NPM2: variants seen among roughly 807,000 people sequenced by gnomAD.
The protein encoded by NPM2 is nucleoplasmin-2.
NPM2 carries 25 observed loss-of-function variants against 32.0 expected under a neutral mutation model. The observed-to-expected ratio is 0.78, with a 90% CI of 0.57 to 1.09. The LOEUF (loss-of-function observed/expected upper bound fraction) is 1.09. Ranked by LOEUF, NPM2 falls within the 50% of genes least tolerant of loss-of-function variation. The probability of loss-of-function intolerance (pLI) is 0.00; values close to 1 mark genes in which losing one functional copy is unlikely to be tolerated. For synonymous variants in NPM2, 111 were observed against 94.2 expected (o/e 1.18, Z -1.04); for missense variants, 282 against 259.9 (o/e 1.08, Z -0.58).
chr8:22,032,057 C>T (rs1452868727), intron 5 of NPM2, among the ~76,000 whole-genome samples: 3 of 152,154 alleles, frequency 2.0e-5, no homozygotes, highest in Admixed American at 1.3e-4. Flanking sequence ...GTTATTCACT[C>T]TAAGTCTCAG....
intron 5 of NPM2, among the ~76,000 whole-genome samples, chr8:22,029,974 C>T (rs1168050599): frequency 2.0e-5 from 3 of 152,176 alleles, no homozygotes; most frequent in South Asian, 2.1e-4. Context: ...GGTTTTCAGA[C>T]ATGAGGATCT....
chr8:22,033,280 G>C, intron 6 of NPM2, 57 bp downstream of exon 6: 1 of 1,290,226 alleles, frequency 7.8e-7, no homozygotes, highest in Non-Finnish European at 1.1e-6. Context: ...GCAGGGGCTC[G>C]GGACATACTA....
intron 5 of NPM2, among the ~76,000 whole-genome samples, chr8:22,031,554 T>G (rs1233856698): frequency 6.6e-6 from 1 of 152,240 alleles, no homozygotes; most frequent in Non-Finnish European, 1.5e-5. Flanking sequence ...CAAGCAGTTC[T>G]CCTGCCTCAG....
At chr8:22,025,359 G>T (rs959075610) in intron 3 of NPM2, 53 bp downstream of exon 3, 6 of 1,599,516 alleles carry the variant, frequency 3.8e-6, no homozygotes, top group Non-Finnish European at 5.1e-6. Flanking sequence ...TCCGGTGCGC[G>T]GCAGCTTGGG....
rs758003822 is a variant in NPM2 at position 22,025,324 on chromosome 8, C to A, written c.58+18C>A. 1.2e-6 allele frequency: 2 copies of A among 1,603,662 alleles called. No individual in the cohort carries two copies. The highest frequency in any genetic ancestry group is 1.7e-6 in the Non-Finnish European group (2 of 1,175,346). On this transcript the variant is annotated intron_variant, in intron 3 of 9. Transcript: ENST00000518119. ...GCTCTGGGGTGAGTGGGGACTCAGGCTCCTTCCCAGAGACACGCCCCACCT... is the reference window on the plus strand; with the variant it reads ...GCTCTGGGGTGAGTGGGGACTCAGGATCCTTCCCAGAGACACGCCCCACCT...
intron 5 of NPM2, among the ~76,000 whole-genome samples, chr8:22,030,018 G>A (rs1800385148): frequency 1.3e-5 from 2 of 152,124 alleles, no homozygotes; most frequent in South Asian, 4.1e-4. Flanking sequence ...ATTATTGGTT[G>A]TTTTTCCTTT....
At chr8:22,029,507 C>A (rs1800365361) in intron 5 of NPM2, among the ~76,000 whole-genome samples, 1 of 152,204 alleles carries the variant, frequency 6.6e-6, no homozygotes, top group Admixed American at 6.5e-5. Context: ...TGTCAGCCTA[C>A]TCAACACTAC....
chr8:22,033,381 C>T (rs1008133313), intron 6 of NPM2, among the ~76,000 whole-genome samples, 158 bp downstream of exon 6: 3 of 152,192 alleles, frequency 2.0e-5, no homozygotes, highest in Admixed American at 6.5e-5. Context: ...AAGGCAAGGG[C>T]GCTGGTCCCT....
At chr8:22,031,903 G>A (rs993646297) in intron 5 of NPM2, among the ~76,000 whole-genome samples, 2 of 151,976 alleles carry the variant, frequency 1.3e-5, no homozygotes, top group African/African-American at 4.8e-5. Context: ...CATTTTTTAT[G>A]TACGAGGATT....
chr8:22,029,399 C>T (rs1290059021), intron 5 of NPM2, among the ~76,000 whole-genome samples: 1 of 152,218 alleles, frequency 6.6e-6, no homozygotes, highest in Non-Finnish European at 1.5e-5. Flanking sequence ...CTGCCTTGGC[C>T]TCCCAAAGTG....
intron 5 of NPM2, among the ~76,000 whole-genome samples, chr8:22,031,865 C>A (rs1247332652): frequency 6.6e-6 from 1 of 152,134 alleles, no homozygotes; most frequent in East Asian, 1.9e-4. Flanking sequence ...TTTTTTCATT[C>A]ATCACTAATC....
chr8:22,026,963 A>G (rs577535138), intron 5 of NPM2, among the ~76,000 whole-genome samples: 1 of 152,284 alleles, frequency 6.6e-6, no homozygotes, highest in South Asian at 2.1e-4. Flanking sequence ...AAATCACTAG[A>G]GGGGGTTAAA....
rs1800207867 is a variant in NPM2, at chr8:22,025,422, T to A, written c.59-14T>A. On this transcript the variant is annotated splice_polypyrimidine_tract_variant and intron_variant, in intron 3 of 9. Transcript: ENST00000518119. ...GAATGGAGGGCCCCACTTCCCTCCC[T>A]TTCTCCTCCGCAGGCTGCGAGCTCA... The A allele has an allele frequency of 6.2e-7, 1 of 1,612,762 alleles. No individual in the cohort carries two copies. Among genetic ancestry groups the A allele is most frequent in the African/African-American group, 1.3e-5 (1 of 74,884 alleles).
chr8:22,024,998 C>T (rs1800184540), intron 2 of NPM2, 168 bp downstream of exon 2: 3 of 519,748 alleles, frequency 5.8e-6, no homozygotes, highest in African/African-American at 2.0e-5. Context: ...CCGTGAGTCC[C>T]GCTGTCCTGT....
intron 5 of NPM2, among the ~76,000 whole-genome samples, chr8:22,030,327 C>T (rs957884355): frequency 1.4e-4 from 22 of 152,168 alleles, no homozygotes; most frequent in African/African-American, 5.1e-4. Context: ...CAGCCTCAAA[C>T]TCCTGGGCTC....
chr8:22,028,516 G>C (rs1309005350), intron 5 of NPM2, among the ~76,000 whole-genome samples: 3 of 146,640 alleles, frequency 2.0e-5, no homozygotes, highest in Non-Finnish European at 3.0e-5. Context: ...TTTTAGTAGA[G>C]ACGGGGTTTC....
Position 22,036,516 on chromosome 8 carries a change from C to G in NPM2, c.590C>G (p.Pro197Arg), listed in dbSNP as rs1800627435. ...AGAGCCAGCGTTAGAGACAAGAGCC[C>G]TGTGAAAAAGGTGAGTAGGACCAGA... ...EIRASVRDKSPVKKAKATARA... is the reference protein window; with the variant it reads ...EIRASVRDKSRVKKAKATARA... The change falls in exon 9 of 10, where the codon CCT (proline) becomes CGT (arginine). Residue 197 changes from proline (P) to arginine (R), a missense_variant. Physicochemically the swap from Pro to Arg is moderately radical, Grantham distance 103 (BLOSUM62 -2). Transcript: ENST00000518119. 1 of 1,602,716 alleles carries G rather than the reference C, an allele frequency of 6.2e-7. No individual in the cohort carries two copies.
At chr8:22,029,482 G>T (rs887089225) in intron 5 of NPM2, among the ~76,000 whole-genome samples, 1 of 152,128 alleles carries the variant, frequency 6.6e-6, no homozygotes, top group African/African-American at 2.4e-5. Context: ...ATTATCAAGT[G>T]TTCTAGCTCC....
intron 5 of NPM2, 81 bp from the exon 6 acceptor site, chr8:22,033,049 C>T: frequency 1.0e-6 from 1 of 1,000,850 alleles, no homozygotes; most frequent in Admixed American, 1.7e-5. Context: ...GGGAAATCAA[C>T]TCAGTATTTC....
Sources: allele counts gnomAD v4.1 joint callset (sites outside exome capture counted in the v4.1 genomes callset), GRCh38; gene constraint gnomAD v4.1.1; transcripts MANE v1.5; gene names NCBI Gene and HGNC (gene_info 2026-07-23, HGNC 2026-07-21).